TFDP1: variants seen among roughly 807,000 people sequenced by gnomAD.
TFDP1 encodes transcription factor Dp-1, also known as DRTF1-polypeptide 1.
A neutral mutation model predicts 48.0 loss-of-function variants in TFDP1; 6 were observed. The observed-to-expected ratio is 0.13, with a 90% confidence interval of 0.07 to 0.25. The LOEUF is 0.25. TFDP1 is among the 10% of genes least tolerant of loss of function. TFDP1 has a pLI of 1.00. For missense variants in TFDP1, 335 were observed against 543.0 expected (o/e 0.62, Z 3.81); for synonymous variants, 201 against 211.6 (o/e 0.95, Z 0.44).
chr13:113,602,244 C>T (rs1485003938), intron 2 of TFDP1, among the ~76,000 whole-genome samples: 5 of 147,112 alleles, frequency 3.4e-5, no homozygotes, highest in South Asian at 2.2e-4. Context: ...CTGCAGGAGT[C>T]GAGGGAGGAG....
At chr13:113,603,163 T>C (rs2048481966) in intron 2 of TFDP1, among the ~76,000 whole-genome samples, 1 of 152,108 alleles carries the variant, frequency 6.6e-6, no homozygotes, top group Non-Finnish European at 1.5e-5. Flanking sequence ...CAGAGAAGGG[T>C]GAGACAGCGT....
chr13:113,606,070 C>T (rs1412920456), intron 2 of TFDP1, among the ~76,000 whole-genome samples: 9 of 136,832 alleles, frequency 6.6e-5, no homozygotes, highest in African/African-American at 2.3e-4. Context: ...GAAGGCGGTG[C>T]GGTGATGAGT....
rs906842204 is a variant in TFDP1, at chr13:113,598,340, T to C, written c.12+12491T>C. On this transcript the variant is annotated intron_variant, in intron 2 of 11. Transcript: ENST00000375370. This position sits in a 1 kb window ranked among gnomAD's most constrained non-coding sequence, Gnocchi z 4.2. ...TTGTAGACTAGAGCATCATTTGGTG[T>C]TTTTCTGCTGGAAAAGCAGGCTTTA... Among the ~76,000 whole-genome samples, 1 of 152,242 alleles carries C rather than the reference T, an allele frequency of 6.6e-6. No individual in the cohort carries two copies. Among genetic ancestry groups the C allele is most frequent in the Non-Finnish European group, 1.5e-5 (1 of 67,998 alleles).
At chr13:113,606,583 T>C (rs1444494208) in intron 2 of TFDP1, among the ~76,000 whole-genome samples, 3 of 152,090 alleles carry the variant, frequency 2.0e-5, no homozygotes, top group Non-Finnish European at 4.4e-5. Context: ...CCGCACAGCC[T>C]TCCTGGAGGC....
At chr13:113,629,898 TGGACC>T (rs777533630) in intron 4 of TFDP1, among the ~76,000 whole-genome samples, 7 of 151,854 alleles carry the variant, frequency 4.6e-5, no homozygotes, top group Non-Finnish European at 1.0e-4. Context: ...GGGAAGGGAG[TGGACC>T]CATGAGGTGG....
At chr13:113,634,632 G>T in intron 8 of TFDP1, 30 bp downstream of exon 8, 1 of 1,561,684 alleles carries the variant, frequency 6.4e-7, no homozygotes, top group South Asian at 1.2e-5. Flanking sequence ...TGGAGGCAGG[G>T]TAATTTTTAT....
Position 113,640,484 on chromosome 13 carries a change from G to A in TFDP1, c.*217G>A, listed in dbSNP as rs573014325. 9.7e-6 allele frequency: 6 copies of A among 617,600 alleles called. No individual in the cohort carries two copies. The highest frequency in any genetic ancestry group is 9.1e-5 in the Admixed American group (2 of 22,034). 38.3% of individuals were successfully genotyped at this position (617,600 alleles called of 1,614,324 possible). A position where few individuals can be genotyped will look rare whatever the true frequency, so the allele number is the denominator to read the frequency against. The stretch of plus-strand genomic sequence containing the variant: ...TGATACCAGTGTGCTGATGCAGAGC[G>A]TTTATTTACTTGTTAGGATTTTGTG... On this transcript the variant is annotated 3_prime_UTR_variant, in exon 12 of 12. Coordinates refer to ENST00000375370, the MANE Select transcript of TFDP1 (RefSeq NM_007111.5).
intron 2 of TFDP1, among the ~76,000 whole-genome samples, chr13:113,586,865 C>T (rs904549647): frequency 1.3e-5 from 2 of 152,254 alleles, no homozygotes; most frequent in East Asian, 3.9e-4. Flanking sequence ...GAAGTCATAT[C>T]TGGCTGTGCT....
chr13:113,637,959 A>G, intron 11 of TFDP1, 63 bp downstream of exon 11: 1 of 1,580,766 alleles, frequency 6.3e-7, no homozygotes, highest in Non-Finnish European at 8.6e-7. Flanking sequence ...CCAGGGGCCA[A>G]GGCAGGGCAG....
intron 4 of TFDP1, among the ~76,000 whole-genome samples, chr13:113,626,890 GC>G (rs1168628864): frequency 6.6e-6 from 1 of 152,168 alleles, no homozygotes; most frequent in Non-Finnish European, 1.5e-5. Flanking sequence ...AATAATTGTA[GC>G]ACCACTTTCG....
intron 4 of TFDP1, among the ~76,000 whole-genome samples, chr13:113,629,665 A>G (rs2049281436): frequency 6.6e-6 from 1 of 152,080 alleles, no homozygotes; most frequent in South Asian, 2.1e-4. Context: ...CTAAGCTGTG[A>G]TGTGTGGTAG....
intron 2 of TFDP1, among the ~76,000 whole-genome samples, chr13:113,601,491 C>T (rs1176015952): frequency 6.9e-6 from 1 of 144,698 alleles, no homozygotes; most frequent in African/African-American, 2.7e-5. Context: ...CCACCCTCAC[C>T]CTCACCAGGC....
In TFDP1 at chr13:113,624,182, G is replaced by A. The variant is rs564632434; in HGVS notation, c.186+896G>A. 3.9e-5 allele frequency among the ~76,000 whole-genome samples: 6 copies of A among 152,178 alleles called. No homozygotes were observed. The East Asian group carries it at 5.8e-4, about 15-fold the overall frequency. Reference sequence around the variant, plus strand: ...GGTGATGCAGCACCTCTTGCACCCCGGCCTCCTGGCCCACTCCACCCCCTC... The same window carrying A: ...GGTGATGCAGCACCTCTTGCACCCCAGCCTCCTGGCCCACTCCACCCCCTC... On this transcript the variant is annotated intron_variant, in intron 4 of 11. Coordinates refer to ENST00000375370, the MANE Select transcript of TFDP1 (RefSeq NM_007111.5).
chr13:113,591,394 G>A (rs927167544), intron 2 of TFDP1, among the ~76,000 whole-genome samples: 8 of 151,452 alleles, frequency 5.3e-5, no homozygotes, highest in African/African-American at 1.9e-4. Flanking sequence ...TTTAAAAGAG[G>A]TATTATAGGA....
intron 2 of TFDP1, among the ~76,000 whole-genome samples, chr13:113,608,995 A>T (rs1288008319): frequency 6.6e-6 from 1 of 152,198 alleles, no homozygotes; most frequent in Non-Finnish European, 1.5e-5. Context: ...CCTGTAACAC[A>T]CTAATGGGTG....
chr13:113,596,305 C>T (rs1452393572), intron 2 of TFDP1, among the ~76,000 whole-genome samples: 2 of 152,184 alleles, frequency 1.3e-5, no homozygotes, highest in Non-Finnish European at 2.9e-5. Flanking sequence ...AGTTTGAGGT[C>T]ATATGTCTTA....
In TFDP1 at chr13:113,633,675, G is replaced by A. The variant is rs1238798223; in HGVS notation, c.475-215G>A. On this transcript the variant is annotated intron_variant, in intron 6 of 11. Transcript: ENST00000375370. This position sits in a 1 kb window ranked among gnomAD's most constrained non-coding sequence, Gnocchi z 4.5. ...ACCTCACCAGCTGGGCTCGACACCC[G>A]AGAGCCCCCGGCTCTCCTTCTGGAA... 6.6e-6 allele frequency among the ~76,000 whole-genome samples: 1 copy of A among 152,108 alleles called. No individual in the cohort carries two copies. Among genetic ancestry groups the A allele is most frequent in the Admixed American group, 6.5e-5 (1 of 15,278 alleles).
In TFDP1 at chr13:113,584,859, C is replaced by A. The variant is rs1287926284; in HGVS notation, c.-94C>A. 1.4e-5 allele frequency: 2 copies of A among 146,264 alleles called. No homozygotes were observed. The highest frequency in any genetic ancestry group is 4.9e-5 in the African/African-American group (2 of 40,794). The allele number at this position is 146,264 out of a possible 1,614,324, so 9.1% of individuals were successfully genotyped here. A position where few individuals can be genotyped will look rare whatever the true frequency, so the allele number is the denominator to read the frequency against. On this transcript the variant is annotated 5_prime_UTR_variant, in exon 1 of 12. Coordinates refer to ENST00000375370, the MANE Select transcript of TFDP1 (RefSeq NM_007111.5). ...CTCCGCACCGCGCCCTCTCCGCGTC[C>A]CCGCCCGCGCGGCCGGACCGGGCAG...
chr13:113,634,198 C>A, intron 7 of TFDP1, 165 bp downstream of exon 7: 1 of 988,266 alleles, frequency 1.0e-6, no homozygotes, highest in Non-Finnish European at 1.6e-6. Context: ...TCTTGGCTGT[C>A]AGGGGAGGGA....
Sources: allele counts gnomAD v4.1 joint callset (sites outside exome capture counted in the v4.1 genomes callset), GRCh38; gene constraint gnomAD v4.1.1; non-coding constraint Gnocchi (gnomAD v3.1); transcripts MANE v1.5; gene names NCBI Gene and HGNC (gene_info 2026-07-23, HGNC 2026-07-21).